Variants in CWF19L2 observed in about 807,000 individuals in gnomAD.
CWF19L2 encodes the protein CWF19-like protein 2.
A neutral mutation model predicts 111.7 loss-of-function variants in CWF19L2; 98 were observed. The observed-to-expected ratio is 0.88, with a 90% CI of 0.75 to 1.04. CWF19L2 has a LOEUF of 1.04. Ranked by LOEUF, CWF19L2 falls within the 50% of genes least tolerant of loss-of-function variation. CWF19L2 has a pLI of 0.00. For synonymous variants in CWF19L2, 351 were observed against 342.9 expected (o/e 1.02, Z -0.26); for missense variants, 1,101 against 1,051.4 (o/e 1.05, Z -0.65).
At chr11:107,427,891 A>C (rs1861403351) in intron 8 of CWF19L2, among the ~76,000 whole-genome samples, 1 of 152,050 alleles carries the variant, frequency 6.6e-6, no homozygotes, top group Non-Finnish European at 1.5e-5. Flanking sequence ...CGAAAATTAC[A>C]CACTGAGTTT....
intron 14 of CWF19L2, among the ~76,000 whole-genome samples, chr11:107,338,437 T>C (rs1859958891): frequency 6.6e-6 from 1 of 152,172 alleles, no homozygotes; most frequent in Non-Finnish European, 1.5e-5. Flanking sequence ...CTAGGATACA[T>C]GTGCAGGATG....
At position 107,353,867 on chromosome 11, in the gene CWF19L2, T is replaced by C. The variant is rs1478126407; in HGVS notation, c.1873-131A>G. 4 of 664,102 alleles carry C rather than the reference T, an allele frequency of 6.0e-6. No homozygotes were observed. The East Asian group carries it at 1.1e-4, about 18-fold the overall frequency. The allele number at this position is 664,102 out of a possible 1,614,324, so 41.1% of individuals were successfully genotyped here. A position where few individuals can be genotyped will look rare whatever the true frequency, so the allele number is the denominator to read the frequency against. On this transcript the variant is annotated intron_variant, in intron 12 of 17. Transcript: ENST00000282251. Reference sequence around the variant, plus strand: ...TACATTTAAAAGAAAAGAAAAAACATGATTAATATTTGTTTGATCTTCTAG... The same window carrying C: ...TACATTTAAAAGAAAAGAAAAAACACGATTAATATTTGTTTGATCTTCTAG...
rs1204068315 is a variant in CWF19L2 at position 107,373,325 on chromosome 11, G to A, written c.1872+16749C>T. On this transcript the variant is annotated intron_variant, in intron 12 of 17. Coordinates refer to ENST00000282251, the MANE Select transcript of CWF19L2 (RefSeq NM_152434.3). ...GCTCCACCTCTGGGGGCAGGGCACAGACAAACAAAAAGACAGCAGTAACCT... is the reference window on the plus strand; with the variant it reads ...GCTCCACCTCTGGGGGCAGGGCACAAACAAACAAAAAGACAGCAGTAACCT... Among the ~76,000 whole-genome samples, 4 of 130,134 alleles carry A rather than the reference G, an allele frequency of 3.1e-5. 1 individual carries two copies. Among genetic ancestry groups the A allele is most frequent in the African/African-American group, 6.5e-5 (2 of 30,922 alleles). The allele number at this position is 130,134 out of a possible 152,430, so 85.4% of individuals were successfully genotyped here. A position where few individuals can be genotyped will look rare whatever the true frequency, so the allele number is the denominator to read the frequency against.
chr11:107,393,780 G>A (rs1414127109), intron 10 of CWF19L2, among the ~76,000 whole-genome samples: 1 of 152,120 alleles, frequency 6.6e-6, no homozygotes. Flanking sequence ...AATAACTCAG[G>A]AAATCAAATA....
Position 107,390,952 on chromosome 11 carries a change from G to C in CWF19L2, c.1735-741C>G, listed in dbSNP as rs1860838208. Reference sequence around the variant, plus strand: ...AGATGTTGAAATGACTTGACTTGCTGAGTCTTCTGGCCTTCATCTTTCTCC... The same window carrying C: ...AGATGTTGAAATGACTTGACTTGCTCAGTCTTCTGGCCTTCATCTTTCTCC... On this transcript the variant is annotated intron_variant, in intron 11 of 17. Transcript: ENST00000282251. 3.3e-5 allele frequency among the ~76,000 whole-genome samples: 5 copies of C among 152,298 alleles called. No homozygotes were observed. The South Asian group carries it at 1.0e-3, about 32-fold the overall frequency.
intron 10 of CWF19L2, among the ~76,000 whole-genome samples, chr11:107,409,857 ATAAAT>A (rs1861132123): frequency 6.6e-6 from 1 of 152,118 alleles, no homozygotes; most frequent in South Asian, 2.1e-4. Context: ...AGAGAATAAA[ATAAAT>A]TAAAGACATT....
At chr11:107,437,699 A>T (rs1042754686) in intron 6 of CWF19L2, among the ~76,000 whole-genome samples, 1 of 152,176 alleles carries the variant, frequency 6.6e-6, no homozygotes, top group African/African-American at 2.4e-5. Context: ...CTGCTGTTTC[A>T]GTCTGCTAAA....
intron 13 of CWF19L2, 48 bp from the exon 14 acceptor site, chr11:107,349,101 T>TTATA (rs1457701451): frequency 3.3e-6 from 3 of 900,728 alleles, no homozygotes; most frequent in Non-Finnish European, 5.1e-6. Context: ...TATTTATATG[T>TTATA]TATATATTTA....
intron 11 of CWF19L2, among the ~76,000 whole-genome samples, chr11:107,392,011 T>C (rs1001906093): frequency 1.3e-5 from 2 of 152,192 alleles, no homozygotes; most frequent in African/African-American, 4.8e-5. Flanking sequence ...CACCATTTCA[T>C]ATAAATCAGA....
intron 13 of CWF19L2, among the ~76,000 whole-genome samples, chr11:107,350,417 A>T (rs545213027): frequency 2.6e-5 from 4 of 152,240 alleles, no homozygotes; most frequent in Admixed American, 1.3e-4. Flanking sequence ...GATCATGAGG[A>T]CAGAGCCCTT....
Position 107,372,879 on chromosome 11 carries a change from G to T in CWF19L2, c.1872+17195C>A, listed in dbSNP as rs559409445. 1.3e-4 allele frequency among the ~76,000 whole-genome samples: 17 copies of T among 129,958 alleles called. 2 individuals are homozygous for T. Among genetic ancestry groups the T allele is most frequent in the African/African-American group, 4.9e-4 (15 of 30,762 alleles). 85.3% of individuals were successfully genotyped at this position (129,958 alleles called of 152,430 possible). The stretch of plus-strand genomic sequence containing the variant: ...GAGGTACCGGGTTCATCTCACTAGG[G>T]AGTGCCAGACAGTGGGCGCAGGCCA... On this transcript the variant is annotated intron_variant, in intron 12 of 17. Coordinates refer to ENST00000282251, the MANE Select transcript of CWF19L2 (RefSeq NM_152434.3).
intron 16 of CWF19L2, among the ~76,000 whole-genome samples, chr11:107,332,884 G>C (rs1383560261): frequency 3.9e-5 from 6 of 152,070 alleles, no homozygotes; most frequent in African/African-American, 1.2e-4. Context: ...CACTTTGGGA[G>C]GCGGAGGCGG....
intron 4 of CWF19L2, among the ~76,000 whole-genome samples, chr11:107,441,846 T>C (rs1861623298): frequency 6.6e-6 from 1 of 152,192 alleles, no homozygotes; most frequent in South Asian, 2.1e-4. Context: ...TTCAGGATTG[T>C]TTTAAAGAGT....
intron 4 of CWF19L2, 57 bp downstream of exon 4, chr11:107,442,882 G>GAGGAAGGAAGGAAGGA (rs144259680): frequency 1.2e-4 from 84 of 707,306 alleles, no homozygotes; most frequent in African/African-American, 9.5e-4. Context: ...GGGAGGGAGG[G>GAGGAAGGAAGGAAGGA]AGGAAGGAAG....
chr11:107,329,837 G>T, intron 17 of CWF19L2, 81 bp downstream of exon 17: 2 of 1,069,358 alleles, frequency 1.9e-6, no homozygotes, highest in Non-Finnish European at 2.7e-6. Context: ...TGTATACTGT[G>T]CCCAAAGTTT....
At chr11:107,371,535 A>G (rs1860510750) in intron 12 of CWF19L2, among the ~76,000 whole-genome samples, 1 of 136,236 alleles carries the variant, frequency 7.3e-6, no homozygotes, top group Non-Finnish European at 1.6e-5. Context: ...AAACATTGCT[A>G]GTTTTATTAA....
At chr11:107,412,633 G>A (rs1027597477) in intron 10 of CWF19L2, among the ~76,000 whole-genome samples, 5 of 152,140 alleles carry the variant, frequency 3.3e-5, no homozygotes, top group East Asian at 1.9e-4. Flanking sequence ...GAGCCAGTGC[G>A]CCCAGCCTAC....
chr11:107,379,488 C>G (rs960301471), intron 12 of CWF19L2, among the ~76,000 whole-genome samples: 2 of 152,230 alleles, frequency 1.3e-5, no homozygotes, highest in African/African-American at 4.8e-5. Context: ...GATTCTGATT[C>G]TGATAACTGC....
chr11:107,378,956 G>A (rs1238318466), intron 12 of CWF19L2, among the ~76,000 whole-genome samples: 1 of 152,106 alleles, frequency 6.6e-6, no homozygotes, highest in African/African-American at 2.4e-5. Context: ...GAACAAAGGA[G>A]AGATCATTCT....
Sources: allele counts gnomAD v4.1 joint callset (sites outside exome capture counted in the v4.1 genomes callset), GRCh38; gene constraint gnomAD v4.1.1; transcripts MANE v1.5; gene names NCBI Gene and HGNC (gene_info 2026-07-23, HGNC 2026-07-21).